JADE2: variants seen among roughly 807,000 people sequenced by gnomAD.
JADE2 encodes jade family PHD finger 2.
JADE2 carries 13 observed loss-of-function variants against 85.7 expected under a neutral mutation model. The observed-to-expected ratio is 0.15, with a 90% CI of 0.10 to 0.24. The LOEUF is 0.24. JADE2 is among the 10% of genes least tolerant of loss of function. The pLI, the probability that JADE2 is intolerant of heterozygous loss-of-function variation, is 1.00. For synonymous variants in JADE2, 440 were observed against 456.1 expected (o/e 0.96, Z 0.45); for missense variants, 846 against 1,115.9 (o/e 0.76, Z 3.45).
intron 1 of JADE2, among the ~76,000 whole-genome samples, chr5:134,535,372 C>T (rs961946951): frequency 2.8e-4 from 42 of 152,248 alleles, no homozygotes; most frequent in Middle Eastern, 3.4e-3. Flanking sequence ...AGGACTAGGC[C>T]CTCAGTGTTT....
At position 134,576,912 on chromosome 5, in the gene JADE2, G is replaced by A. The variant is rs1172910434; in HGVS notation, c.1681+16G>A. 1 of 1,526,974 alleles carries A rather than the reference G, an allele frequency of 6.5e-7. No individual in the cohort carries two copies. Among genetic ancestry groups the A allele is most frequent in the Non-Finnish European group, 8.8e-7 (1 of 1,135,938 alleles). 94.6% of individuals were successfully genotyped at this position (1,526,974 alleles called of 1,614,324 possible). On this transcript the variant is annotated intron_variant, in intron 11 of 11. Coordinates refer to ENST00000681547, the MANE Select transcript of JADE2 (RefSeq NM_001388185.1). ...GGGCAGCTGGGTGAGTGAGGGCCAT[G>A]CTGGCCTGCAGACACGGCAGGCTTG...
chr5:134,545,013 G>A (rs1051345322), intron 3 of JADE2, among the ~76,000 whole-genome samples: 2 of 152,200 alleles, frequency 1.3e-5, no homozygotes, highest in Admixed American at 6.5e-5. Flanking sequence ...CCATTTTATA[G>A]TAGAACAATG....
At chr5:134,573,859 A>G (rs1395783800) in intron 10 of JADE2, 97 bp downstream of exon 10, 1 of 837,412 alleles carries the variant, frequency 1.2e-6, no homozygotes. Flanking sequence ...TGGTGGGGGT[A>G]TGTGCGTGGA....
At chr5:134,553,113 GCACATGCCACCACA>G (rs1762696271) in intron 4 of JADE2, among the ~76,000 whole-genome samples, 1 of 150,946 alleles carries the variant, frequency 6.6e-6, no homozygotes, top group Non-Finnish European at 1.5e-5. Context: ...CCCACCATGG[GCACATGCCACCACA>G]CATGGCTAAT....
intron 8 of JADE2, among the ~76,000 whole-genome samples, chr5:134,565,681 A>C (rs1283678413): frequency 6.6e-6 from 1 of 152,070 alleles, no homozygotes; most frequent in Admixed American, 6.5e-5. Context: ...CTCATCTCTA[A>C]AAATACAAAA....
intron 2 of JADE2, among the ~76,000 whole-genome samples, chr5:134,536,201 T>C (rs1468901761): frequency 6.6e-6 from 1 of 152,178 alleles, no homozygotes; most frequent in Non-Finnish European, 1.5e-5. Flanking sequence ...GGCTCCACTC[T>C]GGGCTTCTGC....
Position 134,579,352 on chromosome 5 carries a change from T to G in JADE2, c.*35T>G, listed in dbSNP as rs1385412346. 2 of 1,485,114 alleles carry G rather than the reference T, an allele frequency of 1.3e-6. No individual in the cohort carries two copies. Among genetic ancestry groups the G allele is most frequent in the Admixed American group, 2.0e-5 (1 of 48,982 alleles). 92.0% of individuals were successfully genotyped at this position (1,485,114 alleles called of 1,614,324 possible). A position where few individuals can be genotyped will look rare whatever the true frequency, so the allele number is the denominator to read the frequency against. ...TTCCCTGTCCCAGGCCCTGCCCTGG[T>G]CCCCCCACAAGGCCTCAGCCCAGTC... is the stretch of plus-strand genomic sequence containing the variant. On this transcript the variant is annotated 3_prime_UTR_variant, in exon 12 of 12. Coordinates refer to ENST00000681547, the MANE Select transcript of JADE2 (RefSeq NM_001388185.1). The surrounding 1 kb of genome is among the most constrained non-coding windows in gnomAD (Gnocchi z 4.6).
chr5:134,538,481 A>G (rs1761743945), intron 3 of JADE2, among the ~76,000 whole-genome samples: 2 of 152,290 alleles, frequency 1.3e-5, no homozygotes, highest in African/African-American at 2.4e-5. Context: ...GCCAAGAGTG[A>G]TAAGGATTTG....
At chr5:134,568,140 T>A (rs1300288563) in intron 9 of JADE2, among the ~76,000 whole-genome samples, 1 of 152,208 alleles carries the variant, frequency 6.6e-6, no homozygotes, top group Non-Finnish European at 1.5e-5. Flanking sequence ...TGTCCCTGGC[T>A]GGGTTGTCCA....
Position 134,559,978 on chromosome 5 carries a change from C to G in JADE2, c.460C>G (p.Leu154Val). The change falls in exon 5 of 12, where the codon CTT (leucine) becomes GTT (valine). Residue 154 changes from leucine (L) to valine (V), a missense_variant. By Grantham distance (32) the Leu-to-Val change is conservative (BLOSUM62 1). Transcript: ENST00000681547. ...AYWLELINSE[L>V]KEMERPELDE... is the part of the protein sequence containing the mutation. ...CTGGCTGGAGCTCATCAACTCGGAG[C>G]TTAAGGAGATGGGTAGGTGACCACT... 6.2e-7 allele frequency: 1 copy of G among 1,614,064 alleles called. No homozygotes were observed. The highest frequency in any genetic ancestry group is 8.5e-7 in the Non-Finnish European group (1 of 1,179,976).
chr5:134,560,228 A>T (rs1198771506), intron 5 of JADE2, among the ~76,000 whole-genome samples: 2 of 152,166 alleles, frequency 1.3e-5, no homozygotes, highest in Non-Finnish European at 2.9e-5. Flanking sequence ...TTGGGACTAT[A>T]GTGGTAAGCA....
At chr5:134,557,705 T>C (rs1763074084) in intron 4 of JADE2, among the ~76,000 whole-genome samples, 1 of 74,690 alleles carries the variant, frequency 1.3e-5, no homozygotes. Flanking sequence ...ACAAAGGATA[T>C]GAACTCATCA....
At position 134,579,505 on chromosome 5, in the gene JADE2, G is replaced by A; in HGVS notation, c.*188G>A. 1 of 579,684 alleles carries A rather than the reference G, an allele frequency of 1.7e-6. No individual in the cohort carries two copies. Among genetic ancestry groups the A allele is most frequent in the African/African-American group, 1.9e-5 (1 of 53,790 alleles). 35.9% of individuals were successfully genotyped at this position (579,684 alleles called of 1,614,324 possible). ...GTTGTCTTTCCTCTGTGCTGGCCTAGGACATTAGGATTCCTTCCACGGCTC... is the reference window on the plus strand; with the variant it reads ...GTTGTCTTTCCTCTGTGCTGGCCTAAGACATTAGGATTCCTTCCACGGCTC... On this transcript the variant is annotated 3_prime_UTR_variant, in exon 12 of 12. Coordinates refer to ENST00000681547, the MANE Select transcript of JADE2 (RefSeq NM_001388185.1). The surrounding 1 kb of genome is among the most constrained non-coding windows in gnomAD (Gnocchi z 4.6).
intron 1 of JADE2, chr5:134,526,248 A>G: frequency 5.1e-6 from 5 of 985,076 alleles, no homozygotes; most frequent in Non-Finnish European, 6.0e-6. Flanking sequence ...CAGTGCGGGG[A>G]GGCTGAGAGG....
chr5:134,553,457 G>T (rs891911348), intron 4 of JADE2, among the ~76,000 whole-genome samples: 3 of 150,906 alleles, frequency 2.0e-5, no homozygotes. Flanking sequence ...GGGTTCATGC[G>T]ATTCTCCTGC....
chr5:134,559,700 G>GGT, intron 4 of JADE2, 130 bp from the exon 5 acceptor site: 2 of 804,370 alleles, frequency 2.5e-6, no homozygotes, highest in South Asian at 3.8e-5. Flanking sequence ...GGTGGAAGGA[G>GGT]GTGGGCCCTG....
intron 1 of JADE2, among the ~76,000 whole-genome samples, chr5:134,530,072 A>G (rs1761136153): frequency 6.6e-6 from 1 of 152,250 alleles, no homozygotes; most frequent in South Asian, 2.1e-4. Context: ...TCTACTCTGT[A>G]TACAAAATCA....
chr5:134,539,264 C>T (rs1761813188), intron 3 of JADE2, among the ~76,000 whole-genome samples: 3 of 152,168 alleles, frequency 2.0e-5, no homozygotes, highest in South Asian at 4.1e-4. Flanking sequence ...GGGGTTTCAC[C>T]GTGTTAGCCA....
At chr5:134,529,678 C>CT (rs1476520310) in intron 1 of JADE2, among the ~76,000 whole-genome samples, 2 of 152,212 alleles carry the variant, frequency 1.3e-5, no homozygotes, top group Non-Finnish European at 1.5e-5. Context: ...CAGCTTGGAC[C>CT]TTTGATCTCT....
Sources: allele counts gnomAD v4.1 joint callset (sites outside exome capture counted in the v4.1 genomes callset), GRCh38; gene constraint gnomAD v4.1.1; non-coding constraint Gnocchi (gnomAD v3.1); transcripts MANE v1.5; gene names NCBI Gene and HGNC (gene_info 2026-07-23, HGNC 2026-07-21).